Variants in ROR2 observed in about 807,000 individuals in gnomAD.
The protein encoded by ROR2 is ROR family WNT receptor 2.
Under a neutral mutation model 74.9 loss-of-function variants are expected in ROR2, and 33 were observed. That is an observed-to-expected ratio of 0.44 (90% CI 0.33 to 0.59). The LOEUF is 0.59. Ranked by LOEUF, ROR2 falls within the 20% of genes least tolerant of loss-of-function variation. ROR2 has a pLI of 0.02. For missense variants in ROR2, 1,216 were observed against 1,313.8 expected (o/e 0.93, Z 1.15); for synonymous variants, 586 against 558.7 (o/e 1.05, Z -0.69).
In ROR2 at chr9:91,940,840, G is replaced by T. The variant is rs1587863357; in HGVS notation, c.97+9027C>A. 3.3e-5 allele frequency among the ~76,000 whole-genome samples: 5 copies of T among 152,146 alleles called. No homozygotes were observed. In the South Asian group the frequency reaches 1.0e-3, roughly 32 times the overall value. On this transcript the variant is annotated intron_variant, in intron 1 of 8. Transcript: ENST00000375708. ...TGGTCTTGAACCCCTGACCTCAGGT[G>T]ATTCACCTTCCTCAGCCTCCCAAAG...
intron 1 of ROR2, among the ~76,000 whole-genome samples, chr9:91,788,272 G>A (rs1476655821): frequency 6.6e-6 from 1 of 151,758 alleles, no homozygotes; most frequent in Non-Finnish European, 1.5e-5. Context: ...TAAGAGAAGA[G>A]AAAGAAGGAG....
chr9:91,945,047 T>A (rs941166944), intron 1 of ROR2, among the ~76,000 whole-genome samples: 1 of 150,234 alleles, frequency 6.7e-6, no homozygotes, highest in Non-Finnish European at 1.5e-5. Context: ...ACCACTGCAC[T>A]CCAGCCTGGG....
intron 1 of ROR2, among the ~76,000 whole-genome samples, chr9:91,810,504 T>C (rs1827714870): frequency 6.6e-6 from 1 of 152,146 alleles, no homozygotes; most frequent in African/African-American, 2.4e-5. Flanking sequence ...TGCCTAAACA[T>C]GCCAACCCAG....
At chr9:91,821,913 A>G (rs1331156773) in intron 1 of ROR2, among the ~76,000 whole-genome samples, 2 of 152,208 alleles carry the variant, frequency 1.3e-5, no homozygotes, top group Non-Finnish European at 2.9e-5. Flanking sequence ...TTTCTTGGAT[A>G]AAACTGATGC....
chr9:91,840,681 C>G (rs561144559), intron 1 of ROR2, among the ~76,000 whole-genome samples: 1 of 152,216 alleles, frequency 6.6e-6, no homozygotes, highest in Non-Finnish European at 1.5e-5. Flanking sequence ...GACAAACACA[C>G]CAACAACCAA....
chr9:91,835,954 C>A (rs554330778), intron 1 of ROR2, among the ~76,000 whole-genome samples: 3 of 152,334 alleles, frequency 2.0e-5, no homozygotes, highest in South Asian at 4.1e-4. Flanking sequence ...ACTTCCCTAC[C>A]TTTCTGTATA....
At chr9:91,884,274 G>A (rs1830208129) in intron 1 of ROR2, among the ~76,000 whole-genome samples, 1 of 152,008 alleles carries the variant, frequency 6.6e-6, no homozygotes, top group Admixed American at 6.6e-5. Context: ...AATAAACACA[G>A]GCAGCAACAG....
intron 1 of ROR2, among the ~76,000 whole-genome samples, chr9:91,916,851 G>A (rs1302357542): frequency 1.3e-5 from 2 of 151,960 alleles, no homozygotes; most frequent in Non-Finnish European, 2.9e-5. Context: ...AGGTGAAGTC[G>A]GCCACCAACA....
chr9:91,858,204 C>A (rs1026697103), intron 1 of ROR2, among the ~76,000 whole-genome samples: 9 of 151,986 alleles, frequency 5.9e-5, no homozygotes, highest in African/African-American at 1.9e-4. Flanking sequence ...TGCCCCACAC[C>A]GAGGGCTAAC....
At chr9:91,826,064 T>C (rs1431072957) in intron 1 of ROR2, among the ~76,000 whole-genome samples, 2 of 152,200 alleles carry the variant, frequency 1.3e-5, no homozygotes, top group Non-Finnish European at 2.9e-5. Flanking sequence ...TCTTATGTTG[T>C]ACGTATCCTG....
intron 2 of ROR2, among the ~76,000 whole-genome samples, chr9:91,767,030 A>ATT (rs1262107563): frequency 6.6e-6 from 1 of 152,024 alleles, no homozygotes; most frequent in East Asian, 1.9e-4. Context: ...GTAACAGAGG[A>ATT]ATCCCCTCAC....
intron 2 of ROR2, among the ~76,000 whole-genome samples, chr9:91,765,575 C>T (rs971904416): frequency 2.6e-5 from 4 of 152,222 alleles, no homozygotes; most frequent in Admixed American, 2.0e-4. Flanking sequence ...TCCAGAGATG[C>T]CAGTCCCAAC....
At chr9:91,873,198 G>T (rs968418269) in intron 1 of ROR2, among the ~76,000 whole-genome samples, 1 of 135,860 alleles carries the variant, frequency 7.4e-6, no homozygotes, top group Non-Finnish European at 1.6e-5. Flanking sequence ...ACTGTACATC[G>T]ACTCATCTAC....
chr9:91,879,663 T>TATATATTAAGTAATATATATATTA (rs1830052055), intron 1 of ROR2, among the ~76,000 whole-genome samples: 1 of 152,156 alleles, frequency 6.6e-6, no homozygotes, highest in Non-Finnish European at 1.5e-5. Context: ...GAGCCCACTC[T>TATATATTAAGTAATATATATATTA]CTTCCTTCTA....
intron 1 of ROR2, among the ~76,000 whole-genome samples, chr9:91,808,797 AT>A (rs1381847219): frequency 2.6e-5 from 4 of 151,344 alleles, no homozygotes; most frequent in African/African-American, 7.3e-5. Context: ...AATATAAAAA[AT>A]ATACATATTT....
chr9:91,790,512 T>TAAA (rs60624626), intron 1 of ROR2, among the ~76,000 whole-genome samples: 11 of 137,506 alleles, frequency 8.0e-5, no homozygotes, highest in East Asian at 4.1e-4. Flanking sequence ...CCGTCTCAAT[T>TAAA]AAAAAAAAAA....
chr9:91,781,634 G>A (rs1196934640), intron 1 of ROR2, among the ~76,000 whole-genome samples: 2 of 152,212 alleles, frequency 1.3e-5, no homozygotes, highest in Non-Finnish European at 2.9e-5. Flanking sequence ...CAGCATTCCA[G>A]GTGGGCTGCC....
rs558613400 is a variant in ROR2 at position 91,755,733 on chromosome 9, G to A, written c.494+338C>T. 3.0e-4 allele frequency among the ~76,000 whole-genome samples: 45 copies of A among 152,330 alleles called. 2 individuals carry two copies. In the South Asian group the frequency reaches 7.2e-3, roughly 25 times the overall value. On this transcript the variant is annotated intron_variant, in intron 4 of 8. Transcript: ENST00000375708. ...GTGCTGGGATTTCAGAGTGAATTAC[G>A]TCCCTGTTTCCCAATGTCCTAATGA...
chr9:91,819,038 G>A (rs767364941), intron 1 of ROR2, among the ~76,000 whole-genome samples: 1 of 152,210 alleles, frequency 6.6e-6, no homozygotes, highest in Non-Finnish European at 1.5e-5. Context: ...GTCCCAAAGA[G>A]GTGGTCCGCC....
Sources: allele counts gnomAD v4.1 joint callset (sites outside exome capture counted in the v4.1 genomes callset), GRCh38; gene constraint gnomAD v4.1.1; transcripts MANE v1.5; gene names NCBI Gene and HGNC (gene_info 2026-07-23, HGNC 2026-07-21).